The following FBXL17 variants were observed in gnomAD, a reference collection of about 807,000 sequenced individuals.
FBXL17 encodes F-box/LRR-repeat protein 17.
A neutral mutation model predicts 66.2 loss-of-function variants in FBXL17; 22 were observed. The observed-to-expected ratio is 0.33, with a 90% CI of 0.24 to 0.47. FBXL17 has a LOEUF of 0.47. Ranked by LOEUF, FBXL17 falls within the 20% of genes least tolerant of loss-of-function variation. The pLI, the probability that FBXL17 is intolerant of heterozygous loss-of-function variation, is 1.00. For missense variants in FBXL17, 878 were observed against 948.2 expected (o/e 0.93, Z 0.97); for synonymous variants, 474 against 400.5 (o/e 1.18, Z -2.19).
intron 7 of FBXL17, among the ~76,000 whole-genome samples, chr5:107,989,746 C>T (rs1348591499): frequency 1.3e-5 from 2 of 152,046 alleles, no homozygotes; most frequent in Non-Finnish European, 2.9e-5. Flanking sequence ...TGCTAATTTA[C>T]ATTCCCCAAG....
At chr5:107,953,530 C>G (rs1373328114) in intron 7 of FBXL17, among the ~76,000 whole-genome samples, 1 of 151,956 alleles carries the variant, frequency 6.6e-6, no homozygotes, top group Non-Finnish European at 1.5e-5. Flanking sequence ...GTGCTGCTCT[C>G]TATCATACAA....
chr5:108,358,308 G>A (rs1297341748), intron 3 of FBXL17, among the ~76,000 whole-genome samples: 1 of 151,948 alleles, frequency 6.6e-6, no homozygotes, highest in Non-Finnish European at 1.5e-5. Flanking sequence ...GTCAGCTGTG[G>A]GTTTGTCACA....
At chr5:107,870,022 T>A (rs562130870) in intron 8 of FBXL17, among the ~76,000 whole-genome samples, 1 of 152,114 alleles carries the variant, frequency 6.6e-6, no homozygotes, top group Non-Finnish European at 1.5e-5. Context: ...TAGAATTACC[T>A]GAAGATCTTT....
At chr5:107,902,018 T>C (rs1749582588) in intron 7 of FBXL17, among the ~76,000 whole-genome samples, 2 of 152,186 alleles carry the variant, frequency 1.3e-5, no homozygotes, top group African/African-American at 2.4e-5. Flanking sequence ...TTACCTGATA[T>C]TTAACTGCTA....
At chr5:108,023,856 G>A (rs545240313) in intron 6 of FBXL17, among the ~76,000 whole-genome samples, 50 of 152,246 alleles carry the variant, frequency 3.3e-4, no homozygotes, top group Admixed American at 8.5e-4. Context: ...AGAGAGAAAT[G>A]TGTGCAAAGT....
chr5:108,055,303 A>AC (rs1561388236), intron 6 of FBXL17, among the ~76,000 whole-genome samples: 8 of 32,052 alleles, frequency 2.5e-4, no homozygotes, highest in African/African-American at 1.3e-3. Flanking sequence ...AAAAAAAAAA[A>AC]AAAAAAAAAA....
intron 4 of FBXL17, among the ~76,000 whole-genome samples, chr5:108,239,028 T>C (rs1315334538): frequency 1.3e-5 from 2 of 152,068 alleles, no homozygotes; most frequent in African/African-American, 4.8e-5. Flanking sequence ...GAAAACAAAA[T>C]TTAAGAACTT....
At chr5:108,095,883 A>G (rs1029744745) in intron 6 of FBXL17, among the ~76,000 whole-genome samples, 4 of 152,190 alleles carry the variant, frequency 2.6e-5, no homozygotes, top group African/African-American at 9.6e-5. Context: ...TTTCCTAGAC[A>G]GGTAAGATCA....
chr5:108,314,582 T>C (rs1759270998), intron 4 of FBXL17, among the ~76,000 whole-genome samples: 1 of 151,534 alleles, frequency 6.6e-6, no homozygotes, highest in Non-Finnish European at 1.5e-5. Flanking sequence ...ATAAATTTAA[T>C]TCAGATTAAT....
At chr5:108,291,219 G>A (rs776118335) in intron 4 of FBXL17, among the ~76,000 whole-genome samples, 8 of 152,076 alleles carry the variant, frequency 5.3e-5, no homozygotes, top group Non-Finnish European at 1.2e-4. Flanking sequence ...ATTATATTCT[G>A]TCAACTCTCA....
intron 7 of FBXL17, among the ~76,000 whole-genome samples, chr5:108,010,306 A>G (rs1029413200): frequency 2.0e-5 from 3 of 152,220 alleles, no homozygotes; most frequent in Non-Finnish European, 4.4e-5. Context: ...ATACCCAGCA[A>G]GTTGATGGAC....
chr5:108,254,730 C>T (rs547883478), intron 4 of FBXL17, among the ~76,000 whole-genome samples: 2 of 152,246 alleles, frequency 1.3e-5, no homozygotes, highest in African/African-American at 4.8e-5. Context: ...TATTTTCCCC[C>T]ACAAAGGTGA....
chr5:108,211,865 T>C (rs1030689501), intron 5 of FBXL17, among the ~76,000 whole-genome samples: 4 of 152,204 alleles, frequency 2.6e-5, no homozygotes, highest in African/African-American at 9.7e-5. Flanking sequence ...TGAATTTGCA[T>C]GTTGGTCTGT....
In FBXL17 at chr5:108,204,289, A is replaced by T. The variant is rs150507843; in HGVS notation, c.1615-18042T>A. Among the ~76,000 whole-genome samples, 33 of 152,192 alleles carry T rather than the reference A, an allele frequency of 2.2e-4. No individual in the cohort carries two copies. In the East Asian group the frequency reaches 5.6e-3, roughly 26 times the overall value. Reference sequence around the variant, plus strand: ...ACAGTAGCCTCAAATTCCTGGGCTCAAGCAATCCACCCACCTCAAGCCTCC... The same window carrying T: ...ACAGTAGCCTCAAATTCCTGGGCTCTAGCAATCCACCCACCTCAAGCCTCC... On this transcript the variant is annotated intron_variant, in intron 5 of 8. Coordinates refer to ENST00000542267, the MANE Select transcript of FBXL17 (RefSeq NM_001163315.3).
At chr5:107,900,022 CCTTTAT>C (rs1749519439) in intron 7 of FBXL17, among the ~76,000 whole-genome samples, 2 of 152,126 alleles carry the variant, frequency 1.3e-5, no homozygotes, top group Admixed American at 1.3e-4. Flanking sequence ...TTGAATCTTT[CCTTTAT>C]AACATATTTG....
At chr5:107,887,429 T>G (rs1319568573) in intron 7 of FBXL17, among the ~76,000 whole-genome samples, 2 of 152,194 alleles carry the variant, frequency 1.3e-5, no homozygotes, top group Admixed American at 1.3e-4. Context: ...CCTTTCCAGT[T>G]CTATCTTCTG....
At chr5:108,289,140 G>C (rs545855903) in intron 4 of FBXL17, among the ~76,000 whole-genome samples, 11 of 152,148 alleles carry the variant, frequency 7.2e-5, no homozygotes, top group African/African-American at 2.6e-4. Flanking sequence ...GCAAAATACA[G>C]ATAACAATAC....
At chr5:108,288,258 CTAAAA>C (rs1757977405) in intron 4 of FBXL17, among the ~76,000 whole-genome samples, 1 of 150,314 alleles carries the variant, frequency 6.7e-6, no homozygotes, top group Non-Finnish European at 1.5e-5. Context: ...TACCCCGAGC[CTAAAA>C]TAAAAGTTCA....
intron 8 of FBXL17, among the ~76,000 whole-genome samples, chr5:107,871,185 T>C (rs762994307): frequency 6.6e-6 from 1 of 152,062 alleles, no homozygotes; most frequent in Non-Finnish European, 1.5e-5. Context: ...AACGCAGTCA[T>C]TCCATTTCAG....
Sources: gnomAD v4.1 joint callset for allele counts (sites outside exome capture counted in the v4.1 genomes callset) on GRCh38, gnomAD v4.1.1 for gene constraint, MANE v1.5 for transcripts, NCBI Gene and HGNC (gene_info 2026-07-23, HGNC 2026-07-21) for gene names.